Variants in ADGRG1 observed in about 807,000 individuals in gnomAD.
ADGRG1 encodes 7-transmembrane protein with no EGF-like N-terminal domains-1.
Under a neutral mutation model 73.5 loss-of-function variants are expected in ADGRG1, and 53 were observed. The ratio of observed to expected loss-of-function variants is 0.72; its 90% confidence interval spans 0.58 to 0.91. ADGRG1 has a LOEUF of 0.91. Among genes scored for constraint, ADGRG1 ranks in the 40% least tolerant of loss-of-function variants. The probability of loss-of-function intolerance (pLI) is 0.00; values close to 1 mark genes in which losing one functional copy is unlikely to be tolerated. For missense variants in ADGRG1, 795 were observed against 871.8 expected (o/e 0.91, Z 1.11); for synonymous variants, 394 against 374.4 (o/e 1.05, Z -0.60).
upstream of ADGRG1, chr16:57,624,730 C>G: frequency 2.0e-6 from 2 of 984,118 alleles, no homozygotes; most frequent in Non-Finnish European, 2.4e-6. Context: ...TAAGGATGCC[C>G]TAACCCCTTA....
In ADGRG1 at chr16:57,655,427, C is replaced by T. The variant is rs1230098120; in HGVS notation, c.797C>T (p.Ser266Leu). 4 of 1,613,616 alleles carry T rather than the reference C, an allele frequency of 2.5e-6. No individual in the cohort carries two copies. The highest frequency in any genetic ancestry group is 1.3e-5 in the African/African-American group (1 of 75,022). The part of the protein sequence containing the change: ...EEEQSEIMEY[S>L]VLLPRTLFQR... Reference sequence around the variant, plus strand: ...GAGCAGAGCGAGATCATGGAGTACTCGGTGCTGCTGCCTCGAACACTCTTC... The same window carrying T: ...GAGCAGAGCGAGATCATGGAGTACTTGGTGCTGCTGCCTCGAACACTCTTC... Residue 266 changes from serine to leucine, a missense_variant, in exon 6 of 14, where the codon TCG (serine) becomes TTG (leucine). Ser to Leu is a moderately radical substitution (Grantham distance 145). Transcript: ENST00000562631.
At chr16:57,620,314 G>A (rs1443872456), upstream of ADGRG1, among the ~76,000 whole-genome samples, 3 of 152,226 alleles carry the variant, frequency 2.0e-5, no homozygotes, top group Non-Finnish European at 4.4e-5. Context: ...GGCCCTGGCT[G>A]TTCTGGGGTT....
intron 10 of ADGRG1, among the ~76,000 whole-genome samples, chr16:57,658,527 G>A (rs573330511): frequency 1.4e-4 from 22 of 152,350 alleles, no homozygotes; most frequent in African/African-American, 5.1e-4. Context: ...GCACAAGCAC[G>A]TGTGTGCCTA....
At chr16:57,641,014 G>T (rs1449047041) in intron 1 of ADGRG1, 1 of 985,424 alleles carries the variant, frequency 1.0e-6, no homozygotes, top group Non-Finnish European at 1.2e-6. Flanking sequence ...GTCTAGAGGG[G>T]TCAGGGGAGA....
chr16:57,655,028 C>A, intron 5 of ADGRG1: 2 of 982,998 alleles, frequency 2.0e-6, no homozygotes, highest in Non-Finnish European at 2.4e-6. Context: ...CCACACACCC[C>A]ATCTTGAGAC....
chr16:57,661,024 C>A, intron 12 of ADGRG1, 148 bp downstream of exon 12: 1 of 709,766 alleles, frequency 1.4e-6, no homozygotes. Context: ...AAGCACTGGT[C>A]TAAGAGTCAT....
chr16:57,651,424 C>G lies in ADGRG1; in HGVS notation c.289C>G (p.His97Asp). 6.2e-7 allele frequency: 1 copy of G among 1,614,242 alleles called. No individual in the cohort carries two copies. The highest frequency in any genetic ancestry group is 8.5e-7 in the Non-Finnish European group (1 of 1,180,040). The stretch of plus-strand genomic sequence containing the variant: ...CCACTTCTGCCTCTACTGGAACCGA[C>G]ATGCTGGGAGATTACATCTTCTCTA... ...LYHFCLYWNR[H>D]AGRLHLLYGK... Residue 97 changes from histidine to aspartate, a missense_variant, in exon 3 of 14, where the codon CAT (histidine) becomes GAT (aspartate). Coordinates refer to ENST00000562631, the MANE Select transcript of ADGRG1 (RefSeq NM_201525.4).
At position 57,652,244 on chromosome 16, in the gene ADGRG1, G is replaced by A. The variant is rs541830719; in HGVS notation, c.487+622G>A. On this transcript the variant is annotated intron_variant, in intron 3 of 13. Transcript: ENST00000562631. ...AGTGTGACAGGTACATGTGGCCACT[G>A]CCATTCAGCACCATTAAATGCTGAA... The A allele has an allele frequency of 3.0e-5, 18 of 595,240 alleles. No individual in the cohort carries two copies. In the African/African-American group the frequency reaches 3.4e-4, roughly 11 times the overall value. 36.9% of individuals were successfully genotyped at this position (595,240 alleles called of 1,614,324 possible).
In ADGRG1 at chr16:57,655,504, G is replaced by A; in HGVS notation, c.874G>A (p.Asp292Asn). 2 of 1,613,904 alleles carry A rather than the reference G, an allele frequency of 1.2e-6. No homozygotes were observed. The highest frequency in any genetic ancestry group is 1.7e-6 in the Non-Finnish European group (2 of 1,180,028). Residue 292 changes from aspartate (D) to asparagine (N), a missense_variant, in exon 6 of 14, where the codon GAC (aspartate) becomes AAC (asparagine). Coordinates refer to ENST00000562631, the MANE Select transcript of ADGRG1 (RefSeq NM_201525.4). ...GGCTGAGAAGAGACTCCTCCTGGTG[G>A]ACTTCAGCAGCCAAGCCCTGTTCCA... ...GEAEKRLLLV[D>N]FSSQALFQDK...
chr16:57,657,021 C>T (rs989387107), intron 9 of ADGRG1, among the ~76,000 whole-genome samples: 2 of 152,202 alleles, frequency 1.3e-5, no homozygotes, highest in Non-Finnish European at 2.9e-5. Context: ...CTGTGGGTAT[C>T]CACCTGGGGC....
At chr16:57,647,877 G>A (rs556404492) in intron 1 of ADGRG1, 68 of 524,754 alleles carry the variant, frequency 1.3e-4, no homozygotes, top group Non-Finnish European at 1.6e-4. Flanking sequence ...TCCAATGATG[G>A]GGAGCTCTCT....
intron 1 of ADGRG1, among the ~76,000 whole-genome samples, chr16:57,641,871 ATTC>A (rs1567708324): frequency 6.6e-6 from 1 of 151,538 alleles, no homozygotes; most frequent in African/African-American, 2.4e-5. Flanking sequence ...GGCCTCCAAA[ATTC>A]TTCTTTTCTT....
intron 1 of ADGRG1, chr16:57,639,943 C>T: frequency 1.3e-6 from 1 of 776,782 alleles, no homozygotes; most frequent in Non-Finnish European, 1.6e-6. Flanking sequence ...CAGTTTAAGA[C>T]AGCAGCCTCA....
chr16:57,660,876 T>G lies in ADGRG1; in HGVS notation c.1664T>G (p.Met555Arg), dbSNP rs2046923575. Residue 555 changes from methionine to arginine, a missense_variant and splice_region_variant, in exon 12 of 14, where the codon ATG (methionine) becomes AGG (arginine). Transcript: ENST00000562631. ...RTPEGVIYPS[M>R]CWIRDSLVSY... is the part of the protein sequence containing the mutation. Reference sequence around the variant, plus strand: ...CCAGAGGGCGTCATCTACCCTTCCATGTGAGTGGCTGTGTGCAATGGGGGC... The same window carrying G: ...CCAGAGGGCGTCATCTACCCTTCCAGGTGAGTGGCTGTGTGCAATGGGGGC... 43 of 1,519,604 alleles carry G rather than the reference T, an allele frequency of 2.8e-5. No individual in the cohort carries two copies. The highest frequency in any genetic ancestry group is 3.7e-5 in the Non-Finnish European group (41 of 1,094,052). The allele number at this position is 1,519,604 out of a possible 1,614,324, so 94.1% of individuals were successfully genotyped here. A position where few individuals can be genotyped will look rare whatever the true frequency, so the allele number is the denominator to read the frequency against.
rs564856124 is a variant in ADGRG1 at position 57,643,811 on chromosome 16, G to C, written c.-35-6442G>C. On this transcript the variant is annotated intron_variant, in intron 1 of 13. Coordinates refer to ENST00000562631, the MANE Select transcript of ADGRG1 (RefSeq NM_201525.4). The stretch of plus-strand genomic sequence containing the variant: ...CGTCACTCACTTGGGGAGTGGGAAT[G>C]GGGGAGGGGAGTGGGAATAGGGGAG... The C allele has an allele frequency of 1.2e-4, 118 of 984,518 alleles. No individual in the cohort carries two copies. The South Asian group carries it at 5.2e-3, about 43-fold the overall frequency. The allele number at this position is 984,518 out of a possible 1,614,324, so 61.0% of individuals were successfully genotyped here.
In ADGRG1 at chr16:57,650,244, C is replaced by T. The variant is rs372488869; in HGVS notation, c.-35-9C>T. On this transcript the variant is annotated splice_polypyrimidine_tract_variant and intron_variant, in intron 1 of 13. Transcript: ENST00000562631. Reference sequence around the variant, plus strand: ...CACACTCCCAGCTAACACTCCTGGTCTCTTCCAGGTGGTGACTTCCAAGAG... The same window carrying T: ...CACACTCCCAGCTAACACTCCTGGTTTCTTCCAGGTGGTGACTTCCAAGAG... The T allele has an allele frequency of 5.6e-6, 9 of 1,596,154 alleles. No individual in the cohort carries two copies. The Middle Eastern group carries it at 6.6e-4, about 117-fold the overall frequency.
chr16:57,634,055 C>T, intron 1 of ADGRG1: 1 of 985,054 alleles, frequency 1.0e-6, no homozygotes, highest in Non-Finnish European at 1.2e-6. Flanking sequence ...GACCAGAGGC[C>T]ATGGCCCTAG....
At chr16:57,644,904 A>ATC (rs2042138871) in intron 1 of ADGRG1, among the ~76,000 whole-genome samples, 1 of 133,270 alleles carries the variant, frequency 7.5e-6, no homozygotes, top group Non-Finnish European at 1.6e-5. Context: ...ACACACACTC[A>ATC]TCACTTCATA....
intron 3 of ADGRG1, 111 bp downstream of exon 3, chr16:57,651,733 G>A: frequency 6.6e-7 from 1 of 1,506,864 alleles, no homozygotes; most frequent in Non-Finnish European, 8.9e-7. Flanking sequence ...ACTGGGCTTT[G>A]CTCACAGGCA....
Sources: allele counts gnomAD v4.1 joint callset (sites outside exome capture counted in the v4.1 genomes callset), GRCh38; gene constraint gnomAD v4.1.1; transcripts MANE v1.5; gene names NCBI Gene and HGNC (gene_info 2026-07-23, HGNC 2026-07-21).